DHX29: variants seen among roughly 807,000 people sequenced by gnomAD.
DHX29 encodes DExH-box helicase 29.
Under a neutral mutation model 167.9 loss-of-function variants are expected in DHX29, and 79 were observed. That is an observed-to-expected ratio of 0.47 (90% confidence interval 0.39 to 0.57). DHX29 has a LOEUF of 0.57. Among genes scored for constraint, DHX29 ranks in the 20% least tolerant of loss-of-function variants. The pLI is 0.00. For synonymous variants in DHX29, 530 were observed against 546.0 expected, an observed-to-expected ratio of 0.97 and a Z score of 0.41; for missense variants, 1,347 against 1,593.4, an observed-to-expected ratio of 0.85 and a Z score of 2.63.
At chr5:55,288,100 G>A (rs1168341235) in intron 8 of DHX29, among the ~76,000 whole-genome samples, 5 of 150,982 alleles carry the variant, frequency 3.3e-5, no homozygotes, top group African/African-American at 7.3e-5. Context: ...AAAACTAGCC[G>A]GGCATGGGGG....
At chr5:55,256,625 T>C in intron 26 of DHX29, 85 bp from the exon 27 acceptor site, 3 of 1,269,552 alleles carry the variant, frequency 2.4e-6, no homozygotes, top group South Asian at 1.5e-5. Flanking sequence ...AAGAGGTATA[T>C]GTCACTAAAA....
chr5:55,282,130 ACTTT>A (rs2111887394), intron 11 of DHX29, among the ~76,000 whole-genome samples: 1 of 152,264 alleles, frequency 6.6e-6, no homozygotes, highest in East Asian at 1.9e-4. Context: ...AAAACTGTTC[ACTTT>A]CTTTAAATAC....
Position 55,281,418 on chromosome 5 carries a change from T to C in DHX29, c.2063A>G (p.Gln688Arg). 3 of 1,602,998 alleles carry C rather than the reference T, an allele frequency of 1.9e-6. No individual in the cohort carries two copies. Among genetic ancestry groups the C allele is most frequent in the Non-Finnish European group, 2.6e-6 (3 of 1,174,524 alleles). ...CACATTACTTAGAAGACCATCTTCT[T>C]GAAGTTTCCTTAGCAAAACCCCTGT... Reference protein sequence around the residue: ...CTTGVLLRKLQEDGLLSNVSH... With the variant: ...CTTGVLLRKLREDGLLSNVSH... The change falls in exon 12 of 27, where the codon CAA becomes CGA. Residue 688 changes from glutamine (Q) to arginine (R), a missense_variant. Gln to Arg is a conservative substitution (Grantham distance 43, BLOSUM62 1). Around this residue, in one of 3 missense-constraint regions of DHX29, gnomAD observed 882 missense variants for 1,082.4 expected, o/e 0.81. Transcript: ENST00000251636.
chr5:55,273,000 G>A (rs957175913), intron 17 of DHX29, among the ~76,000 whole-genome samples: 1 of 151,668 alleles, frequency 6.6e-6, no homozygotes, highest in Non-Finnish European at 1.5e-5. Context: ...ATGCCTTCTT[G>A]GGAAAAAGTT....
chr5:55,295,410 G>GT lies in DHX29; in HGVS notation c.619dup (p.Thr207AsnfsTer5). 1 of 1,613,138 alleles carries GT rather than the reference G, an allele frequency of 6.2e-7. No homozygotes were observed. Among genetic ancestry groups the GT allele is most frequent in the Non-Finnish European group, 8.5e-7 (1 of 1,179,256 alleles). On this transcript the variant is annotated frameshift_variant, in exon 5 of 27. Transcript: ENST00000251636. LOFTEE classifies it high-confidence loss of function. ...CTTAGGGTCCTCTTCATATGTTTTT[G>GT]TTTTAGGTTGCAATGGAGGTGAAAT...
chr5:55,265,425 T>C (rs1278143556), intron 23 of DHX29, among the ~76,000 whole-genome samples: 1 of 150,772 alleles, frequency 6.6e-6, no homozygotes, highest in Non-Finnish European at 1.5e-5. Context: ...ACTCTCAATA[T>C]ACCACCCCTT....
chr5:55,276,163 T>A (rs1747100566), intron 14 of DHX29, 103 bp downstream of exon 14: 2 of 993,952 alleles, frequency 2.0e-6, no homozygotes, highest in Non-Finnish European at 1.5e-6. Context: ...TCTATCAAAT[T>A]ATACTCAAAT....
In DHX29 at chr5:55,281,422, G is replaced by T. The variant is rs147769826; in HGVS notation, c.2059C>A (p.Leu687Ile). ...TTACTTAGAAGACCATCTTCTTGAAGTTTCCTTAGCAAAACCCCTGTTGTA... is the reference window on the plus strand; with the variant it reads ...TTACTTAGAAGACCATCTTCTTGAATTTTCCTTAGCAAAACCCCTGTTGTA... ...YCTTGVLLRK[L>I]QEDGLLSNVS... The change falls in exon 12 of 27, where the codon CTT (leucine) becomes ATT (isoleucine). Residue 687 changes from leucine (L) to isoleucine (I), a missense_variant. Coordinates refer to ENST00000251636, the MANE Select transcript of DHX29 (RefSeq NM_019030.4). 30 of 1,602,334 alleles carry T rather than the reference G, an allele frequency of 1.9e-5. No homozygotes were observed. The highest frequency in any genetic ancestry group is 1.7e-4 in the African/African-American group (13 of 74,388).
chr5:55,307,113 A>G (rs1402673587), intron 1 of DHX29, among the ~76,000 whole-genome samples: 1 of 152,160 alleles, frequency 6.6e-6, no homozygotes, highest in Non-Finnish European at 1.5e-5. Flanking sequence ...CTGAAACAGG[A>G]GCTAATGCAA....
At chr5:55,275,354 C>T (rs961224201) in intron 14 of DHX29, among the ~76,000 whole-genome samples, 2 of 152,232 alleles carry the variant, frequency 1.3e-5, no homozygotes, top group South Asian at 2.1e-4. Flanking sequence ...GAGGTCATAA[C>T]GTTAGTAAGT....
chr5:55,290,049 C>A (rs1250642111), intron 7 of DHX29, among the ~76,000 whole-genome samples, 169 bp downstream of exon 7: 2 of 152,140 alleles, frequency 1.3e-5, no homozygotes, highest in Non-Finnish European at 2.9e-5. Context: ...GGCTGTATGG[C>A]CCATGAAGTC....
At chr5:55,305,166 A>G (rs1748799295) in intron 1 of DHX29, among the ~76,000 whole-genome samples, 1 of 152,122 alleles carries the variant, frequency 6.6e-6, no homozygotes, top group Non-Finnish European at 1.5e-5. Context: ...TATAAAACAT[A>G]TAATTCTTTA....
chr5:55,286,061 T>C (rs187148807), intron 8 of DHX29, among the ~76,000 whole-genome samples, 200 bp from the exon 9 acceptor site: 3 of 152,198 alleles, frequency 2.0e-5, no homozygotes, highest in East Asian at 3.9e-4. Context: ...GAGACCATCC[T>C]GGCTAACACA....
chr5:55,292,415 C>T (rs1023441023), intron 6 of DHX29, among the ~76,000 whole-genome samples: 7 of 152,072 alleles, frequency 4.6e-5, no homozygotes, highest in African/African-American at 1.7e-4. Flanking sequence ...TTCCAATTAC[C>T]GATATGAACC....
intron 1 of DHX29, 24 bp from the exon 2 acceptor site, chr5:55,298,688 A>G (rs769382963): frequency 4.4e-6 from 5 of 1,134,900 alleles, no homozygotes; most frequent in African/African-American, 1.5e-5. Context: ...TAGACAAGGC[A>G]ATTTAATGAT....
intron 4 of DHX29, 76 bp downstream of exon 4, chr5:55,296,144 A>T (rs572262970): frequency 1.4e-6 from 2 of 1,438,106 alleles, no homozygotes; most frequent in East Asian, 2.4e-5. Context: ...TATGAGTATG[A>T]GCCAAAAGGT....
At chr5:55,297,839 T>C (rs1375899207) in intron 2 of DHX29, among the ~76,000 whole-genome samples, 1 of 152,214 alleles carries the variant, frequency 6.6e-6, no homozygotes, top group Non-Finnish European at 1.5e-5. Context: ...CGTAATAAGC[T>C]ACACAAATTC....
chr5:55,269,472 T>G lies in DHX29; in HGVS notation c.3235A>C (p.Asn1079His). Residue 1079 changes from asparagine to histidine, a missense_variant, in exon 21 of 27, where the codon AAT becomes CAT. By Grantham distance (68) the Asn-to-His change is moderately conservative. Around this residue, in one of 3 missense-constraint regions of DHX29, gnomAD observed 882 missense variants for 1,082.4 expected, o/e 0.81. Coordinates refer to ENST00000251636, the MANE Select transcript of DHX29 (RefSeq NM_019030.4). ...ATAAGCATCTTGCCAATCTTGACAT[T>G]CACAGGTAAAGCTGCAAGGTGTTGG... ...LGQHLAALPV[N>H]VKIGKMLIFG... The G allele has an allele frequency of 6.2e-7, 1 of 1,613,924 alleles. No homozygotes were observed. The highest frequency in any genetic ancestry group is 8.5e-7 in the Non-Finnish European group (1 of 1,180,016).
chr5:55,301,885 G>C (rs1748623654), intron 1 of DHX29, among the ~76,000 whole-genome samples: 1 of 152,016 alleles, frequency 6.6e-6, no homozygotes, highest in Non-Finnish European at 1.5e-5. Flanking sequence ...GTTACATTAG[G>C]TTCTTCATTT....
Sources: gnomAD v4.1 joint callset for allele counts (sites outside exome capture counted in the v4.1 genomes callset) on GRCh38, gnomAD v4.1.1 for gene constraint, gnomAD v4.1.1 regional missense constraint, MANE v1.5 for transcripts, NCBI Gene and HGNC (gene_info 2026-07-23, HGNC 2026-07-21) for gene names.